PDE4D: variants seen among roughly 807,000 people sequenced by gnomAD.
PDE4D encodes the protein 3',5'-cyclic-AMP phosphodiesterase 4D.
PDE4D carries 24 observed loss-of-function variants against 87.4 expected under a neutral mutation model. The observed-to-expected ratio is 0.27, with a 90% confidence interval of 0.20 to 0.39. The LOEUF is 0.39. PDE4D is among the 10% of genes least tolerant of loss of function. The probability of loss-of-function intolerance (pLI) is 1.00; values close to 1 mark genes in which losing one functional copy is unlikely to be tolerated. For missense variants in PDE4D, 714 were observed against 1,041.0 expected (o/e 0.69, Z 4.32); for synonymous variants, 384 against 383.2 (o/e 1.00, Z -0.02).
intron 1 of PDE4D, among the ~76,000 whole-genome samples, chr5:60,499,538 A>G (rs1749970762): frequency 6.6e-6 from 1 of 152,276 alleles, no homozygotes; most frequent in African/African-American, 2.4e-5. Context: ...GTTAAAAAGA[A>G]AAAAAAGCAA....
intron 1 of PDE4D, chr5:59,430,316 C>T: frequency 8.1e-7 from 1 of 1,231,320 alleles, no homozygotes; most frequent in African/African-American, 1.6e-5. Flanking sequence ...GGCTTAATAT[C>T]AATTGGCATG....
Position 59,510,349 on chromosome 5 carries a change from A to C in PDE4D, c.456-294381T>G, listed in dbSNP as rs80013733. On this transcript the variant is annotated intron_variant, in intron 1 of 14. Transcript: ENST00000340635. Reference sequence around the variant, plus strand: ...CACAAAAAAGTAAAGGAAAATAATAATTATAAAAACAAATACTAATAAGAG... The same window carrying C: ...CACAAAAAAGTAAAGGAAAATAATACTTATAAAAACAAATACTAATAAGAG... Among the ~76,000 whole-genome samples the C allele has an allele frequency of 5.9e-3, 894 of 151,760 alleles. 36 individuals carry two copies. The East Asian group carries it at 0.091, about 15-fold the overall frequency.
At chr5:59,879,199 C>G (rs1749082270) in intron 1 of PDE4D, among the ~76,000 whole-genome samples, 1 of 152,128 alleles carries the variant, frequency 6.6e-6, no homozygotes, top group Non-Finnish European at 1.5e-5. Context: ...CGCGCCCGGC[C>G]CTACCAAAGT....
chr5:59,545,306 T>C (rs1046987741), intron 1 of PDE4D, among the ~76,000 whole-genome samples: 1 of 152,110 alleles, frequency 6.6e-6, no homozygotes, highest in Non-Finnish European at 1.5e-5. Context: ...GCAACAGTGC[T>C]GGGTTTTCAA....
chr5:60,294,551 G>A (rs985479135), intron 1 of PDE4D, among the ~76,000 whole-genome samples: 1 of 151,876 alleles, frequency 6.6e-6, no homozygotes, highest in Non-Finnish European at 1.5e-5. Context: ...TGAATTTAGG[G>A]AGTGAAAATT....
chr5:59,429,870 G>A (rs975228217), intron 1 of PDE4D, among the ~76,000 whole-genome samples: 6 of 152,140 alleles, frequency 3.9e-5, no homozygotes, highest in African/African-American at 1.4e-4. Context: ...AAATGTTTTT[G>A]TAGAATTATA....
chr5:59,171,024 AGCACGTGCCACCAC>A (rs1554086877), intron 5 of PDE4D, among the ~76,000 whole-genome samples: 1 of 150,568 alleles, frequency 6.6e-6, no homozygotes, highest in Non-Finnish European at 1.5e-5. Flanking sequence ...TGGGATTACA[AGCACGTGCCACCAC>A]GCCTGGCTAA....
intron 3 of PDE4D, among the ~76,000 whole-genome samples, chr5:59,911,824 A>G (rs1753471578): frequency 6.6e-6 from 1 of 152,162 alleles, no homozygotes; most frequent in Non-Finnish European, 1.5e-5. Context: ...ACTATAATTC[A>G]TTTTTTAGAT....
chr5:59,309,127 C>G (rs1772039792), intron 1 of PDE4D, among the ~76,000 whole-genome samples: 1 of 152,082 alleles, frequency 6.6e-6, no homozygotes, highest in Non-Finnish European at 1.5e-5. Flanking sequence ...CAGCCTGAGT[C>G]CATTTTCAGT....
At chr5:59,211,138 A>C (rs1749986179) in intron 2 of PDE4D, among the ~76,000 whole-genome samples, 1 of 152,194 alleles carries the variant, frequency 6.6e-6, no homozygotes, top group Non-Finnish European at 1.5e-5. Context: ...ACTGTTATAA[A>C]AAATTTTTAC....
chr5:59,872,561 G>A (rs1747982172), intron 1 of PDE4D, among the ~76,000 whole-genome samples: 1 of 152,146 alleles, frequency 6.6e-6, no homozygotes, highest in Admixed American at 6.5e-5. Flanking sequence ...AATCATGACT[G>A]TATAGACCCT....
At chr5:59,876,791 C>T (rs1471231842) in intron 1 of PDE4D, among the ~76,000 whole-genome samples, 1 of 152,066 alleles carries the variant, frequency 6.6e-6, no homozygotes, top group Non-Finnish European at 1.5e-5. Flanking sequence ...CTATAAATGG[C>T]TATCTCAGTA....
At chr5:59,046,516 AATC>A (rs1348639004) in intron 5 of PDE4D, among the ~76,000 whole-genome samples, 2 of 144,650 alleles carry the variant, frequency 1.4e-5, no homozygotes, top group Non-Finnish European at 3.1e-5. Context: ...CCTTTCTCCC[AATC>A]ATCAATAAGG....
At chr5:59,825,908 C>T (rs1437109841) in intron 1 of PDE4D, among the ~76,000 whole-genome samples, 1 of 152,130 alleles carries the variant, frequency 6.6e-6, no homozygotes, top group Non-Finnish European at 1.5e-5. Context: ...CCTTCTCACC[C>T]ATCCAGTCTA....
chr5:60,327,479 G>C (rs762504970), intron 1 of PDE4D, among the ~76,000 whole-genome samples: 6 of 152,142 alleles, frequency 3.9e-5, no homozygotes, highest in Non-Finnish European at 5.9e-5. Flanking sequence ...TGCATCTGCT[G>C]TTATTCAAGT....
At chr5:59,472,340 A>G (rs1228520548) in intron 1 of PDE4D, among the ~76,000 whole-genome samples, 1 of 152,210 alleles carries the variant, frequency 6.6e-6, no homozygotes, top group Non-Finnish European at 1.5e-5. Flanking sequence ...TGCTGGGCAC[A>G]GGAAAGAAGA....
intron 2 of PDE4D, among the ~76,000 whole-genome samples, chr5:60,068,196 G>T (rs1208867245): frequency 6.6e-6 from 1 of 152,116 alleles, no homozygotes. Flanking sequence ...GTGTGCAAGG[G>T]TTCCAATTTC....
intron 1 of PDE4D, among the ~76,000 whole-genome samples, chr5:60,194,381 T>G (rs910215062): frequency 6.6e-6 from 1 of 151,802 alleles, no homozygotes; most frequent in Admixed American, 6.6e-5. Flanking sequence ...TCCAACTGAC[T>G]GCTCAACTTC....
At chr5:60,502,871 C>T (rs961848263) in intron 1 of PDE4D, among the ~76,000 whole-genome samples, 1 of 152,088 alleles carries the variant, frequency 6.6e-6, no homozygotes, top group African/African-American at 2.4e-5. Context: ...AGTTCTATAA[C>T]ATAGTTGATA....
Sources: allele counts gnomAD v4.1 joint callset (sites outside exome capture counted in the v4.1 genomes callset), GRCh38; gene constraint gnomAD v4.1.1; transcripts MANE v1.5; gene names NCBI Gene and HGNC (gene_info 2026-07-23, HGNC 2026-07-21).